ZNF717: variants seen among roughly 807,000 people sequenced by gnomAD.
The protein encoded by ZNF717 is krueppel-like factor X17.
ZNF717 carries 9 observed loss-of-function variants against 13.8 expected under a neutral mutation model. The observed-to-expected ratio is 0.65, with a 90% CI of 0.39 to 1.14. The LOEUF (loss-of-function observed/expected upper bound fraction) is 1.14. Among genes scored for constraint, ZNF717 ranks in the 50% most tolerant of loss-of-function variants. The probability of loss-of-function intolerance (pLI) is 0.01; values close to 1 mark genes in which losing one functional copy is unlikely to be tolerated. For synonymous variants in ZNF717, 327 were observed against 364.1 expected (o/e 0.90, Z 1.16); for missense variants, 1,040 against 1,080.7 (o/e 0.96, Z 0.53).
chr3:75,716,796 G>A (rs1489341688), intron 4 of ZNF717, among the ~76,000 whole-genome samples: 1 of 152,184 alleles, frequency 6.6e-6, no homozygotes, highest in Non-Finnish European at 1.5e-5. Context: ...ATGAAAACCA[G>A]GGCAGCCTCT....
At chr3:75,718,503 T>G (rs1330456818) in intron 4 of ZNF717, among the ~76,000 whole-genome samples, 1 of 152,136 alleles carries the variant, frequency 6.6e-6, no homozygotes, top group Non-Finnish European at 1.5e-5. Context: ...ACACCTAATT[T>G]CAGGATATAT....
chr3:75,702,986 C>A (rs1400168437), intron 6 of ZNF717, among the ~76,000 whole-genome samples: 1 of 152,300 alleles, frequency 6.6e-6, no homozygotes. Flanking sequence ...TCAATCCCTG[C>A]AGGGAACCCT....
chr3:75,717,740 C>G (rs1449509910), intron 4 of ZNF717, among the ~76,000 whole-genome samples: 2 of 152,184 alleles, frequency 1.3e-5, no homozygotes, highest in East Asian at 3.9e-4. Context: ...GTCAGTGCAG[C>G]TCTCCTTACC....
At chr3:75,748,117 C>T (rs1487035462) in intron 2 of ZNF717, among the ~76,000 whole-genome samples, 42 of 152,288 alleles carry the variant, frequency 2.8e-4, no homozygotes, top group Admixed American at 2.3e-3. Flanking sequence ...TTCCTTGACA[C>T]ATAAACCCTT....
chr3:75,739,086 T>C lies in ZNF717; in HGVS notation c.537A>G (p.Lys179=). ...TCCTGGTTATATCACAGACATGAGGTTTCTCTCCAGACTGTGTCTCCCCAG... is the reference window on the plus strand; with the variant it reads ...TCCTGGTTATATCACAGACATGAGGCTTCTCTCCAGACTGTGTCTCCCCAG... The part of the protein sequence containing the change: ...IKPGETQSGE[K]PHVCDITRRS... The change falls in exon 5 of 5, where the codon AAA becomes AAG. Residue 179 remains lysine (K), a synonymous_variant. Coordinates refer to ENST00000652011, the MANE Select transcript of ZNF717 (RefSeq NM_001290208.3). 1.3e-6 allele frequency: 2 copies of C among 1,551,546 alleles called. No individual in the cohort carries two copies. Among genetic ancestry groups the C allele is most frequent in the Non-Finnish European group, 8.7e-7 (1 of 1,146,912 alleles).
At chr3:75,715,978 G>GTT (rs63089262) in intron 5 of ZNF717, among the ~76,000 whole-genome samples, 3 of 144,034 alleles carry the variant, frequency 2.1e-5, no homozygotes, top group Non-Finnish European at 3.0e-5. Flanking sequence ...TTGTTTTTTT[G>GTT]TTTTTTTTTT....
chr3:75,755,377 A>C (rs1441512033), intron 2 of ZNF717, among the ~76,000 whole-genome samples: 1 of 152,274 alleles, frequency 6.6e-6, no homozygotes, highest in African/African-American at 2.4e-5. Context: ...GTATGCTTAT[A>C]CACAAGTGAA....
chr3:75,783,270 G>C, intron 2 of ZNF717, 36 bp downstream of exon 2: 2 of 1,489,286 alleles, frequency 1.3e-6, no homozygotes, highest in Non-Finnish European at 1.8e-6. Context: ...AGAAAATACA[G>C]TGTAAAACAA....
intron 2 of ZNF717, among the ~76,000 whole-genome samples, chr3:75,750,710 T>C (rs1454195744): frequency 6.6e-6 from 1 of 151,692 alleles, no homozygotes. Context: ...CACATAGGAC[T>C]CCAGAACACT....
chr3:75,742,321 CAAAA>C (rs369657631), intron 2 of ZNF717, among the ~76,000 whole-genome samples: 48 of 56,176 alleles, frequency 8.5e-4, no homozygotes, highest in African/African-American at 2.4e-3. Context: ...GCCTACCTCT[CAAAA>C]AAAAAAAAAA....
chr3:75,737,708 C>G lies in ZNF717; in HGVS notation c.1915G>C (p.Gly639Arg). The change falls in exon 5 of 5, where the codon GGA becomes CGA. Residue 639 changes from glycine (G) to arginine (R), a missense_variant. By Grantham distance (125) the Gly-to-Arg change is moderately radical. This residue lies in a region of ZNF717 where 873 missense variants were observed against 832.8 expected (regional missense o/e 1.05). Transcript: ENST00000652011. ...TAAGGTTTCTCTCCTGTGTGAGTTC[C>G]CTGATGGGTGCTGAGATTTGACTTC... is the stretch of plus-strand genomic sequence containing the variant. ...RQKSNLSTHQ[G>R]THTGEKPYVC... 1 of 1,544,296 alleles carries G rather than the reference C, an allele frequency of 6.5e-7. No individual in the cohort carries two copies. Among genetic ancestry groups the G allele is most frequent in the Non-Finnish European group, 8.8e-7 (1 of 1,142,132 alleles).
At chr3:75,719,455 A>G (rs1187523937) in intron 4 of ZNF717, among the ~76,000 whole-genome samples, 1 of 152,184 alleles carries the variant, frequency 6.6e-6, no homozygotes, top group Admixed American at 6.5e-5. Flanking sequence ...AATGTAGTTC[A>G]AAAAAAGTGT....
chr3:75,767,382 GA>G (rs1943562869), intron 2 of ZNF717, among the ~76,000 whole-genome samples: 1 of 152,272 alleles, frequency 6.6e-6, no homozygotes. Context: ...AAGTAATAAT[GA>G]GTTGTTTTAA....
intron 1 of ZNF717, among the ~76,000 whole-genome samples, chr3:75,784,114 A>C (rs1339170110): frequency 2.6e-5 from 4 of 152,208 alleles, no homozygotes; most frequent in Non-Finnish European, 5.9e-5. Context: ...GGGCCTAGCC[A>C]AGAGTCACCA....
intron 2 of ZNF717, among the ~76,000 whole-genome samples, chr3:75,758,543 T>G (rs1221439271): frequency 6.6e-6 from 1 of 152,240 alleles, no homozygotes; most frequent in South Asian, 2.1e-4. Flanking sequence ...TTGAAAGTTC[T>G]ACTGTGGGTA....
intron 4 of ZNF717, among the ~76,000 whole-genome samples, chr3:75,740,695 G>C (rs1327473101): frequency 1.3e-5 from 2 of 151,996 alleles, no homozygotes; most frequent in Non-Finnish European, 1.5e-5. Flanking sequence ...GCCAGGTGTG[G>C]TGGCACACAC....
rs1937751689 is a variant in ZNF717 at position 75,704,112 on chromosome 3, A to C, written n.1085+7075T>G. Among the ~76,000 whole-genome samples, 42 of 152,190 alleles carry C rather than the reference A, an allele frequency of 2.8e-4. No individual in the cohort carries two copies. In the South Asian group the frequency reaches 9.1e-3, roughly 33 times the overall value. On this transcript the variant is annotated intron_variant and non_coding_transcript_variant, in intron 6 of 6. Coordinates refer to the ZNF717 transcript ENST00000648506. The stretch of plus-strand genomic sequence containing the variant: ...TTTAGTGAGTACATCTGCACCTTCC[A>C]AGTTTAATTATAACTCTTTCTCTTT...
At chr3:75,780,075 AC>A (rs1944689797) in intron 2 of ZNF717, among the ~76,000 whole-genome samples, 1 of 152,034 alleles carries the variant, frequency 6.6e-6, no homozygotes, top group South Asian at 2.1e-4. Flanking sequence ...TAAGCCAGAA[AC>A]CCAAAACAAT....
intron 4 of ZNF717, among the ~76,000 whole-genome samples, chr3:75,724,839 TAGAA>T (rs1332813330): frequency 3.9e-5 from 6 of 152,268 alleles, no homozygotes; most frequent in African/African-American, 1.2e-4. Flanking sequence ...TGTATTATGA[TAGAA>T]AGAGTATTAT....
Sources: gnomAD v4.1 joint callset for allele counts (sites outside exome capture counted in the v4.1 genomes callset) on GRCh38, gnomAD v4.1.1 for gene constraint, gnomAD v4.1.1 regional missense constraint, MANE v1.5 for transcripts, NCBI Gene and HGNC (gene_info 2026-07-23, HGNC 2026-07-21) for gene names.